Variants in DENND1A observed in about 807,000 individuals in gnomAD.
DENND1A encodes the protein DENN domain-containing protein 1A.
A neutral mutation model predicts 113.7 loss-of-function variants in DENND1A; 51 were observed. That is an observed-to-expected ratio of 0.45 (90% CI 0.36 to 0.57). The LOEUF (loss-of-function observed/expected upper bound fraction) is 0.57. Ranked by LOEUF, DENND1A falls within the 20% of genes least tolerant of loss-of-function variation. The probability of loss-of-function intolerance (pLI) is 0.00; values close to 1 mark genes in which losing one functional copy is unlikely to be tolerated. For synonymous variants in DENND1A, 565 were observed against 570.8 expected, an observed-to-expected ratio of 0.99 and a Z score of 0.14; for missense variants, 1,258 against 1,395.9, an observed-to-expected ratio of 0.90 and a Z score of 1.57.
intron 1 of DENND1A, among the ~76,000 whole-genome samples, chr9:123,879,423 C>T (rs1847995957): frequency 6.6e-6 from 1 of 151,956 alleles, no homozygotes; most frequent in African/African-American, 2.4e-5. Flanking sequence ...ATGCAAGCTA[C>T]TTGGGAGGCT....
At chr9:123,560,847 G>A (rs567217512) in intron 12 of DENND1A, among the ~76,000 whole-genome samples, 12 of 152,146 alleles carry the variant, frequency 7.9e-5, no homozygotes, top group Admixed American at 2.0e-4. Flanking sequence ...GATTTATTAT[G>A]ACCTCCCCTT....
intron 2 of DENND1A, among the ~76,000 whole-genome samples, chr9:123,831,014 T>C (rs2132771078): frequency 6.9e-6 from 1 of 145,608 alleles, no homozygotes; most frequent in South Asian, 2.2e-4. Flanking sequence ...GAAGAGGAAA[T>C]AAAACTATTA....
intron 13 of DENND1A, among the ~76,000 whole-genome samples, chr9:123,533,335 TA>T (rs1024976008): frequency 6.6e-6 from 1 of 152,314 alleles, no homozygotes; most frequent in Admixed American, 6.5e-5. Flanking sequence ...TGATTAAAAA[TA>T]AAAAGGCACA....
chr9:123,704,065 G>T (rs2066035279), intron 5 of DENND1A, among the ~76,000 whole-genome samples: 1 of 151,772 alleles, frequency 6.6e-6, no homozygotes, highest in Non-Finnish European at 1.5e-5. Context: ...ACAATTAAAT[G>T]CCAGACTATA....
chr9:123,429,332 G>A (rs1326734990), intron 19 of DENND1A, among the ~76,000 whole-genome samples: 1 of 152,196 alleles, frequency 6.6e-6, no homozygotes, highest in African/African-American at 2.4e-5. Context: ...GGGGAGGGTG[G>A]ACCAGTTGAG....
At chr9:123,568,611 A>G (rs1416950468) in intron 12 of DENND1A, among the ~76,000 whole-genome samples, 1 of 152,216 alleles carries the variant, frequency 6.6e-6, no homozygotes, top group African/African-American at 2.4e-5. Flanking sequence ...TTTGGGAGTT[A>G]ATGAAGAGCT....
chr9:123,505,874 T>C (rs1235439823), intron 13 of DENND1A, among the ~76,000 whole-genome samples: 1 of 152,180 alleles, frequency 6.6e-6, no homozygotes, highest in Non-Finnish European at 1.5e-5. Flanking sequence ...AGAGATGCTA[T>C]TTCTTCTCTT....
chr9:123,592,982 TA>T (rs2059528914), intron 11 of DENND1A, among the ~76,000 whole-genome samples: 1 of 152,242 alleles, frequency 6.6e-6, no homozygotes. Flanking sequence ...GTTATTATTA[TA>T]AAAAATCAAG....
chr9:123,656,515 C>G (rs76815169), intron 8 of DENND1A, among the ~76,000 whole-genome samples: 2,262 of 152,088 alleles, frequency 0.015, 61 homozygotes, highest in African/African-American at 0.051. Flanking sequence ...CAGGACTTGA[C>G]GATGAATTAG....
chr9:123,865,027 T>C (rs80144293), intron 2 of DENND1A, among the ~76,000 whole-genome samples: 1,853 of 152,304 alleles, frequency 0.012, 15 homozygotes, highest in Non-Finnish European at 0.021. Flanking sequence ...ACCTGAGTCA[T>C]ATTTTTGATT....
chr9:123,618,938 T>G (rs1280165510), intron 10 of DENND1A, among the ~76,000 whole-genome samples: 1 of 152,148 alleles, frequency 6.6e-6, no homozygotes, highest in African/African-American at 2.4e-5. Flanking sequence ...GCTAAAAAAG[T>G]TTTTTATTTC....
intron 12 of DENND1A, among the ~76,000 whole-genome samples, chr9:123,567,412 A>G (rs994882061): frequency 2.0e-5 from 3 of 152,250 alleles, no homozygotes; most frequent in Non-Finnish European, 2.9e-5. Flanking sequence ...TATGTTTTTT[A>G]CAACACAACA....
chr9:123,673,824 A>G (rs1413668999), intron 6 of DENND1A, among the ~76,000 whole-genome samples: 4 of 152,180 alleles, frequency 2.6e-5, no homozygotes, highest in Non-Finnish European at 5.9e-5. Context: ...TCATCCTACG[A>G]AAGTGAAAAA....
chr9:123,497,813 CAAAAAAAA>C (rs755257150), intron 13 of DENND1A, among the ~76,000 whole-genome samples: 13 of 101,776 alleles, frequency 1.3e-4, no homozygotes, highest in African/African-American at 3.7e-4. Context: ...CTCTTCCATC[CAAAAAAAA>C]AAAAAAAAAA....
chr9:123,722,302 C>A (rs2067397155), intron 5 of DENND1A, among the ~76,000 whole-genome samples: 1 of 152,166 alleles, frequency 6.6e-6, no homozygotes, highest in Admixed American at 6.5e-5. Context: ...TAAAGGCATT[C>A]AGTTTTAAAA....
At chr9:123,913,446 G>A (rs1009293634) in intron 1 of DENND1A, among the ~76,000 whole-genome samples, 1 of 152,128 alleles carries the variant, frequency 6.6e-6, no homozygotes, top group African/African-American at 2.4e-5. Context: ...TAACAGGAAG[G>A]TGGGAGGGAA....
At chr9:123,409,814 G>A (rs555191532) in intron 20 of DENND1A, among the ~76,000 whole-genome samples, 3 of 152,246 alleles carry the variant, frequency 2.0e-5, no homozygotes, top group South Asian at 2.1e-4. Flanking sequence ...ACCGTTGGCC[G>A]GGTGCGGTGG....
At position 123,791,044 on chromosome 9, in the gene DENND1A, A is replaced by G. The variant is rs140940682; in HGVS notation, c.132+1543T>C. 3.7e-3 allele frequency among the ~76,000 whole-genome samples: 562 copies of G among 152,288 alleles called. 1 individual carries two copies. Among genetic ancestry groups the G allele is most frequent in the Non-Finnish European group, 5.6e-3 (381 of 67,984 alleles). ...TTAAAGTTATACTAAAAAAGAAATC[A>G]TGTTGTTCAAAAACTTTCAGATATA... On this transcript the variant is annotated intron_variant, in intron 3 of 23. Coordinates refer to ENST00000394215, the MANE Select transcript of DENND1A (RefSeq NM_001352964.2).
intron 2 of DENND1A, among the ~76,000 whole-genome samples, chr9:123,810,844 T>C (rs1836472136): frequency 6.6e-6 from 1 of 151,640 alleles, no homozygotes; most frequent in East Asian, 1.9e-4. Context: ...CTGCAACCTC[T>C]GCCTCCCGGG....
Sources: allele counts gnomAD v4.1 joint callset (sites outside exome capture counted in the v4.1 genomes callset), GRCh38; gene constraint gnomAD v4.1.1; transcripts MANE v1.5; gene names NCBI Gene and HGNC (gene_info 2026-07-23, HGNC 2026-07-21).